Variants in DCAF7 observed in about 807,000 individuals in gnomAD.
DCAF7 encodes the protein DDB1- and CUL4-associated factor 7.
In DCAF7, 4 loss-of-function variants were observed where a neutral mutation model predicts 41.2. The ratio of observed to expected loss-of-function variants is 0.10; its 90% CI spans 0.05 to 0.22. The LOEUF (loss-of-function observed/expected upper bound fraction) is 0.22, where lower values mean the gene tolerates loss of function less well. DCAF7 is among the 10% of genes least tolerant of loss of function. The pLI, the probability that DCAF7 is intolerant of heterozygous loss-of-function variation, is 1.00. For missense variants in DCAF7, 131 were observed against 443.2 expected (o/e 0.30, Z 6.32); for synonymous variants, 143 against 164.2 (o/e 0.87, Z 0.99).
Position 63,589,565 on chromosome 17 carries a change from C to T in DCAF7, c.*393C>T. On this transcript the variant is annotated 3_prime_UTR_variant, in exon 7 of 7. Coordinates refer to ENST00000614556, the MANE Select transcript of DCAF7 (RefSeq NM_005828.5). The stretch of plus-strand genomic sequence containing the variant: ...GCAGCAGTTCATGTCTCGTCCATGT[C>T]CATGTTCGTGTTAGCACTTACGTGG... 3.7e-6 allele frequency: 1 copy of T among 268,000 alleles called. No individual in the cohort carries two copies. The highest frequency in any genetic ancestry group is 3.9e-5 in the South Asian group (1 of 25,870). The allele number at this position is 268,000 out of a possible 1,614,324, so 16.6% of individuals were successfully genotyped here. A position where few individuals can be genotyped will look rare whatever the true frequency, so the allele number is the denominator to read the frequency against.
intron 1 of DCAF7, among the ~76,000 whole-genome samples, chr17:63,570,806 A>G (rs1441638450): frequency 6.6e-6 from 1 of 152,246 alleles, no homozygotes. Flanking sequence ...TGTGACAATT[A>G]GACAGATTTA....
chr17:63,567,746 A>C (rs898699370), intron 1 of DCAF7, among the ~76,000 whole-genome samples: 3 of 151,658 alleles, frequency 2.0e-5, no homozygotes, highest in African/African-American at 4.8e-5. Flanking sequence ...TACAGCCTTG[A>C]CTTTCTGGGT....
rs1486930922 is a variant in DCAF7 at position 63,592,668 on chromosome 17, A to G, written c.*3496A>G. On this transcript the variant is annotated 3_prime_UTR_variant, in exon 7 of 7. Coordinates refer to ENST00000614556, the MANE Select transcript of DCAF7 (RefSeq NM_005828.5). Reference sequence around the variant, plus strand: ...CAGACTGTCCATTGCATGGCTGTGGAGTGAGACTGCCCTTAGCCTGGGTCA... The same window carrying G: ...CAGACTGTCCATTGCATGGCTGTGGGGTGAGACTGCCCTTAGCCTGGGTCA... 2 of 152,126 alleles carry G rather than the reference A, an allele frequency of 1.3e-5. No homozygotes were observed. Among genetic ancestry groups the G allele is most frequent in the Non-Finnish European group, 2.9e-5 (2 of 68,044 alleles). The allele number at this position is 152,126 out of a possible 1,614,324, so 9.4% of individuals were successfully genotyped here.
In DCAF7 at chr17:63,559,805, G is replaced by GA. The variant is rs199624730; in HGVS notation, c.138+8999dup. On this transcript the variant is annotated intron_variant, in intron 1 of 6. Transcript: ENST00000614556. ...CAACAGAGTGGGACTCCGTCTCAAA[G>GA]AAAAAAAAACCTTGTACCAGAATTC... Among the ~76,000 whole-genome samples, 792 of 149,708 alleles carry GA rather than the reference G, an allele frequency of 5.3e-3. 8 individuals carry two copies. The highest frequency in any genetic ancestry group is 0.019 in the African/African-American group (762 of 40,858).
rs1473062487 is a variant in DCAF7, at chr17:63,590,821, G to A, written c.*1649G>A. ...GTAAAACAGTAACTTTGTTCTTCTG[G>A]GCCCTTAAGCTTTTTTGGTTAAGTC... On this transcript the variant is annotated 3_prime_UTR_variant, in exon 7 of 7. Transcript: ENST00000614556. 6.6e-6 allele frequency: 1 copy of A among 152,100 alleles called. No individual in the cohort carries two copies. Among genetic ancestry groups the A allele is most frequent in the African/African-American group, 2.4e-5 (1 of 41,392 alleles). 9.4% of individuals were successfully genotyped at this position (152,100 alleles called of 1,614,324 possible).
At chr17:63,551,891 C>A (rs1426963089) in intron 1 of DCAF7, among the ~76,000 whole-genome samples, 48 of 27,288 alleles carry the variant, frequency 1.8e-3, no homozygotes, top group Admixed American at 0.011. Flanking sequence ...TACTAAAATA[C>A]AAAAAAAAAA....
chr17:63,588,847 GA>G (rs2033705004), intron 6 of DCAF7, among the ~76,000 whole-genome samples, 152 bp from the exon 7 acceptor site: 2 of 152,188 alleles, frequency 1.3e-5, no homozygotes, highest in African/African-American at 4.8e-5. Context: ...TAACATTTCT[GA>G]ATCTCGATTT....
rs2033761066 is a variant in DCAF7 at position 63,594,117 on chromosome 17, G to A, written c.*4945G>A. 2 of 152,640 alleles carry A rather than the reference G, an allele frequency of 1.3e-5. No homozygotes were observed. The highest frequency in any genetic ancestry group is 2.1e-4 in the South Asian group (1 of 4,832). The allele number at this position is 152,640 out of a possible 1,614,324, so 9.5% of individuals were successfully genotyped here. ...ATTGAAGGCTACTTCATGGGCACCT[G>A]AAAGTGGAGTGTTATAGCTATGACT... On this transcript the variant is annotated 3_prime_UTR_variant, in exon 7 of 7. Coordinates refer to ENST00000614556, the MANE Select transcript of DCAF7 (RefSeq NM_005828.5).
Position 63,580,161 on chromosome 17 carries a change from G to A in DCAF7, c.528+218G>A, listed in dbSNP as rs1042260282. ...GGCTAATGTAAATGACCTATTCTAC[G>A]GTCTGTCATTGTTCTTTTCATGCCA... On this transcript the variant is annotated intron_variant, in intron 4 of 6. Transcript: ENST00000614556. Among the ~76,000 whole-genome samples the A allele has an allele frequency of 2.6e-5, 4 of 151,836 alleles. 1 individual carries two copies. Among genetic ancestry groups the A allele is most frequent in the East Asian group, 1.9e-4 (1 of 5,196 alleles).
Position 63,589,229 on chromosome 17 carries a change from A to G in DCAF7, c.*57A>G. The G allele has an allele frequency of 6.3e-7, 1 of 1,599,776 alleles. No homozygotes were observed. Among genetic ancestry groups the G allele is most frequent in the Non-Finnish European group, 8.5e-7 (1 of 1,172,620 alleles). Reference sequence around the variant, plus strand: ...CTTTTGTATTTCCTGCCTCTGCCCCACCCCCAAAGTAAGAAGAAACATGTT... The same window carrying G: ...CTTTTGTATTTCCTGCCTCTGCCCCGCCCCCAAAGTAAGAAGAAACATGTT... On this transcript the variant is annotated 3_prime_UTR_variant, in exon 7 of 7. Coordinates refer to ENST00000614556, the MANE Select transcript of DCAF7 (RefSeq NM_005828.5).
At chr17:63,560,080 A>G (rs1190592043) in intron 1 of DCAF7, among the ~76,000 whole-genome samples, 1 of 152,192 alleles carries the variant, frequency 6.6e-6, no homozygotes, top group East Asian at 1.9e-4. Context: ...AGAAATAGAT[A>G]GGAAGAGTTT....
chr17:63,588,189 A>ATTTTTTTTTTTTTTTGTTTTTTTTTTTT (rs2033697681), intron 6 of DCAF7, among the ~76,000 whole-genome samples: 1 of 120,262 alleles, frequency 8.3e-6, no homozygotes, highest in African/African-American at 3.9e-5. Flanking sequence ...ATTTTCTTGG[A>ATTTTTTTTTTTTTTTGTTTTTTTTTTTT]TTTTTTTTTT....
intron 1 of DCAF7, among the ~76,000 whole-genome samples, chr17:63,565,783 G>A (rs1305459103): frequency 1.3e-5 from 2 of 152,124 alleles, no homozygotes; most frequent in Admixed American, 6.6e-5. Context: ...TTATTCAAAA[G>A]TAAAGGTAGT....
intron 1 of DCAF7, among the ~76,000 whole-genome samples, chr17:63,566,901 G>T (rs2033448734): frequency 6.6e-6 from 1 of 152,156 alleles, no homozygotes; most frequent in South Asian, 2.1e-4. Flanking sequence ...GTGACAGAAT[G>T]AGACCTTGTC....
chr17:63,558,194 C>CTTAAAA (rs1448043061), intron 1 of DCAF7, among the ~76,000 whole-genome samples: 1 of 151,974 alleles, frequency 6.6e-6, no homozygotes. Flanking sequence ...GCCTGGCATC[C>CTTAAAA]CTAGGAACAT....
intron 4 of DCAF7, among the ~76,000 whole-genome samples, chr17:63,582,888 C>T (rs956884831): frequency 6.6e-6 from 1 of 152,214 alleles, no homozygotes; most frequent in African/African-American, 2.4e-5. Context: ...AATTGATTCA[C>T]TTATGATCTC....
At chr17:63,576,032 A>G (rs915288592) in intron 1 of DCAF7, among the ~76,000 whole-genome samples, 1 of 152,258 alleles carries the variant, frequency 6.6e-6, no homozygotes, top group Non-Finnish European at 1.5e-5. Context: ...AATAGAGTCC[A>G]GAAATAGATG....
At chr17:63,571,802 T>A (rs1030456882) in intron 1 of DCAF7, among the ~76,000 whole-genome samples, 4 of 152,018 alleles carry the variant, frequency 2.6e-5, no homozygotes, top group African/African-American at 9.7e-5. Context: ...TGAAATCACA[T>A]CACCAGGGGT....
chr17:63,585,195 C>T lies in DCAF7; in HGVS notation c.739-16C>T. 1.2e-6 allele frequency: 2 copies of T among 1,607,458 alleles called. No homozygotes were observed. Among genetic ancestry groups the T allele is most frequent in the Non-Finnish European group, 1.7e-6 (2 of 1,174,366 alleles). On this transcript the variant is annotated splice_polypyrimidine_tract_variant and intron_variant, in intron 5 of 6. Coordinates refer to ENST00000614556, the MANE Select transcript of DCAF7 (RefSeq NM_005828.5). ...AACTCTGATGATCCCAGGCCTTTTA[C>T]TTGTTATTTCCGCAGGTGGTGATTC...
Sources: gnomAD v4.1 joint callset for allele counts (sites outside exome capture counted in the v4.1 genomes callset) on GRCh38, gnomAD v4.1.1 for gene constraint, MANE v1.5 for transcripts, NCBI Gene and HGNC (gene_info 2026-07-23, HGNC 2026-07-21) for gene names.